Variants in TC2N observed in about 807,000 individuals in gnomAD.
The protein encoded by TC2N is tandem C2 domains, nuclear.
In TC2N, 51 loss-of-function variants were observed where a neutral mutation model predicts 61.9. That is an observed-to-expected ratio of 0.82 (90% CI 0.66 to 1.04). The LOEUF (loss-of-function observed/expected upper bound fraction) is 1.04. Ranked by LOEUF, TC2N falls within the 50% of genes least tolerant of loss-of-function variation. The pLI, the probability that TC2N is intolerant of heterozygous loss-of-function variation, is 0.00. For missense variants in TC2N, 556 were observed against 566.7 expected (o/e 0.98, Z 0.19); for synonymous variants, 204 against 192.6 (o/e 1.06, Z -0.49).
chr14:91,842,891 TG>T (rs1352539241), intron 1 of TC2N, among the ~76,000 whole-genome samples: 2 of 152,212 alleles, frequency 1.3e-5, no homozygotes, highest in Non-Finnish European at 2.9e-5. Context: ...CATCATGCAC[TG>T]TATCCATGCC....
chr14:91,861,484 C>T (rs896322705), intron 1 of TC2N, among the ~76,000 whole-genome samples: 4 of 152,216 alleles, frequency 2.6e-5, no homozygotes, highest in African/African-American at 9.7e-5. Context: ...CTAACCCTGA[C>T]TACTGCCTTC....
At chr14:91,828,410 T>C (rs1242547733) in intron 1 of TC2N, among the ~76,000 whole-genome samples, 1 of 152,060 alleles carries the variant, frequency 6.6e-6, no homozygotes, top group Non-Finnish European at 1.5e-5. Flanking sequence ...AGTATGTATC[T>C]CTAAAAGACA....
At chr14:91,791,615 T>G (rs1165977686) in intron 9 of TC2N, among the ~76,000 whole-genome samples, 1 of 152,176 alleles carries the variant, frequency 6.6e-6, no homozygotes, top group East Asian at 1.9e-4. Flanking sequence ...CTGTAAAAAC[T>G]TCTAATCAAT....
At chr14:91,838,374 G>A (rs1423435353) in intron 1 of TC2N, among the ~76,000 whole-genome samples, 2 of 152,042 alleles carry the variant, frequency 1.3e-5, no homozygotes, top group African/African-American at 2.4e-5. Flanking sequence ...TGAAACTCCT[G>A]GCTTCAAGCA....
intron 1 of TC2N, among the ~76,000 whole-genome samples, chr14:91,814,774 A>C (rs1030173705): frequency 5.9e-5 from 9 of 151,778 alleles, no homozygotes; most frequent in Middle Eastern, 3.4e-3. Context: ...AAATAGGTTG[A>C]ATAGCATTAC....
At chr14:91,795,164 T>TG (rs1463675563) in intron 8 of TC2N, among the ~76,000 whole-genome samples, 7 of 152,020 alleles carry the variant, frequency 4.6e-5, no homozygotes, top group African/African-American at 1.7e-4. Context: ...AGATAAGGAG[T>TG]TGATTCTCAC....
chr14:91,841,496 G>A (rs374812244), intron 1 of TC2N, among the ~76,000 whole-genome samples: 1 of 152,316 alleles, frequency 6.6e-6, no homozygotes, highest in Non-Finnish European at 1.5e-5. Flanking sequence ...ATGACTACAC[G>A]TGGTGGCAGA....
chr14:91,785,059 G>T, intron 11 of TC2N, 103 bp downstream of exon 11: 1 of 722,102 alleles, frequency 1.4e-6, no homozygotes, highest in Non-Finnish European at 2.2e-6. Context: ...TGATGCTGAA[G>T]AACTGTACTC....
intron 1 of TC2N, among the ~76,000 whole-genome samples, chr14:91,857,014 G>T (rs887896): frequency 3.3e-5 from 5 of 152,140 alleles, no homozygotes; most frequent in Non-Finnish European, 5.9e-5. Context: ...GAGAAAGAGC[G>T]CTAGACCAAG....
At chr14:91,836,685 C>T (rs963302610) in intron 1 of TC2N, among the ~76,000 whole-genome samples, 6 of 130,630 alleles carry the variant, frequency 4.6e-5, no homozygotes, top group African/African-American at 1.4e-4. Context: ...AGGGGCGGGG[C>T]CTCCCGCGTA....
chr14:91,827,561 T>G (rs1433792882), intron 1 of TC2N, among the ~76,000 whole-genome samples: 1 of 152,184 alleles, frequency 6.6e-6, no homozygotes, highest in African/African-American at 2.4e-5. Context: ...TTATAAAGAC[T>G]CTTGCAATTA....
At chr14:91,785,699 C>T (rs985238914) in intron 10 of TC2N, among the ~76,000 whole-genome samples, 6 of 151,942 alleles carry the variant, frequency 3.9e-5, no homozygotes, top group Non-Finnish European at 8.8e-5. Context: ...ATCTTTTGGA[C>T]AGCTGGAGGT....
intron 3 of TC2N, 109 bp downstream of exon 3, chr14:91,812,203 A>C: frequency 1.8e-6 from 1 of 545,096 alleles, no homozygotes; most frequent in East Asian, 3.4e-5. Context: ...AAATATAAAA[A>C]GTAAAATAAA....
chr14:91,792,501 C>A lies in TC2N; in HGVS notation c.913G>T (p.Val305Leu). 6.2e-7 allele frequency: 1 copy of A among 1,602,070 alleles called. No homozygotes were observed. Among genetic ancestry groups the A allele is most frequent in the Admixed American group, 1.7e-5 (1 of 59,732 alleles). Residue 305 changes from valine to leucine, a missense_variant, in exon 9 of 12, where the codon GTA becomes TTA. Transcript: ENST00000435962. ...GTTTGAATCTTAAATACAAGTCTTA[C>A]AGTTTGTAGATTTTGAAGTTTAATA... ...FAIKLQNLQT[V>L]RLVFKIQTQT...
chr14:91,814,536 C>T (rs1886925561), intron 1 of TC2N, among the ~76,000 whole-genome samples: 1 of 148,860 alleles, frequency 6.7e-6, no homozygotes, highest in African/African-American at 2.5e-5. Flanking sequence ...TATAAAAGGG[C>T]AGACAAATCA....
At chr14:91,797,961 A>G in intron 7 of TC2N, 60 bp from the exon 8 acceptor site, 1 of 1,120,794 alleles carries the variant, frequency 8.9e-7, no homozygotes, top group South Asian at 1.4e-5. Context: ...CAAACATTTG[A>G]TGTATTTCTT....
chr14:91,863,841 A>T (rs1416586411), intron 1 of TC2N, among the ~76,000 whole-genome samples: 1 of 151,654 alleles, frequency 6.6e-6, no homozygotes, highest in Non-Finnish European at 1.5e-5. Flanking sequence ...AAAAAAAAAA[A>T]AAAAAAAGCC....
chr14:91,852,088 T>C (rs1479614919), intron 1 of TC2N, among the ~76,000 whole-genome samples: 1 of 152,208 alleles, frequency 6.6e-6, no homozygotes, highest in Non-Finnish European at 1.5e-5. Context: ...CTTAACATTG[T>C]ACTTGTGAAA....
chr14:91,789,624 A>C (rs1885547863), intron 9 of TC2N, among the ~76,000 whole-genome samples: 1 of 128,952 alleles, frequency 7.8e-6, no homozygotes, highest in Non-Finnish European at 1.6e-5. Context: ...AACAAAAAAC[A>C]AAAAAAAAAA....
Sources: allele counts gnomAD v4.1 joint callset (sites outside exome capture counted in the v4.1 genomes callset), GRCh38; gene constraint gnomAD v4.1.1; transcripts MANE v1.5; gene names NCBI Gene and HGNC (gene_info 2026-07-23, HGNC 2026-07-21).